HMGCLL1: variants seen among roughly 807,000 people sequenced by gnomAD.
HMGCLL1 encodes the protein 3-hydroxy-3-methylglutaryl-CoA lyase like 1.
HMGCLL1 carries 36 observed loss-of-function variants against 39.1 expected under a neutral mutation model. That is an observed-to-expected ratio of 0.92 (90% confidence interval 0.71 to 1.22). HMGCLL1 has a LOEUF of 1.22. Among genes scored for constraint, HMGCLL1 ranks in the 50% most tolerant of loss-of-function variants. The pLI, the probability that HMGCLL1 is intolerant of heterozygous loss-of-function variation, is 0.00. For missense variants in HMGCLL1, 451 were observed against 416.5 expected, an observed-to-expected ratio of 1.08 and a Z score of -0.72; for synonymous variants, 149 against 144.0, an observed-to-expected ratio of 1.03 and a Z score of -0.25.
At chr6:55,583,097 G>T (rs1457954726), upstream of HMGCLL1, among the ~76,000 whole-genome samples, 1 of 151,992 alleles carries the variant, frequency 6.6e-6, no homozygotes, top group East Asian at 1.9e-4. Context: ...TTAAAGTTTT[G>T]CTTTGTATGT....
chr6:55,585,288 G>A, the HMGCLL1 span, among the ~76,000 whole-genome samples: 2 of 152,158 alleles, frequency 1.3e-5, no homozygotes, highest in East Asian at 1.9e-4. Flanking sequence ...CACTAATTCA[G>A]AAGGATCCAA....
intron 7 of HMGCLL1, among the ~76,000 whole-genome samples, chr6:55,469,569 G>C (rs1180205767): frequency 6.6e-6 from 1 of 151,128 alleles, no homozygotes; most frequent in African/African-American, 2.4e-5. Context: ...GAAGGAGAGA[G>C]AGGAATTGCT....
At chr6:55,543,823 T>C (rs1490130392) in intron 1 of HMGCLL1, among the ~76,000 whole-genome samples, 1 of 151,640 alleles carries the variant, frequency 6.6e-6, no homozygotes, top group Non-Finnish European at 1.5e-5. Flanking sequence ...CAGTGAGCAG[T>C]GGTTGTGCCA....
At chr6:55,543,488 GATATATATCATATATA>G (rs1769750563) in intron 1 of HMGCLL1, among the ~76,000 whole-genome samples, 2 of 8,480 alleles carry the variant, frequency 2.4e-4, no homozygotes, top group African/African-American at 7.5e-4. Context: ...ATATATATAT[GATATATATCATATATA>G]TCATATATAA....
the HMGCLL1 span, among the ~76,000 whole-genome samples, chr6:55,601,151 A>G: frequency 6.6e-6 from 1 of 152,302 alleles, no homozygotes; most frequent in Non-Finnish European, 1.5e-5. Flanking sequence ...TCAGTGCCAT[A>G]TAACAATGAA....
chr6:55,487,393 C>A (rs1766087287), intron 7 of HMGCLL1, among the ~76,000 whole-genome samples: 1 of 152,066 alleles, frequency 6.6e-6, no homozygotes, highest in African/African-American at 2.4e-5. Context: ...GTTTGCTGCA[C>A]CTATCAACCC....
At chr6:55,509,716 A>C (rs1052800296) in intron 5 of HMGCLL1, among the ~76,000 whole-genome samples, 1 of 152,054 alleles carries the variant, frequency 6.6e-6, no homozygotes, top group Non-Finnish European at 1.5e-5. Flanking sequence ...AATTAAACAC[A>C]GGAAGAATTT....
At chr6:55,647,052 T>A in the HMGCLL1 span, among the ~76,000 whole-genome samples, 1 of 152,054 alleles carries the variant, frequency 6.6e-6, no homozygotes, top group Non-Finnish European at 1.5e-5. Flanking sequence ...ATTTGCTTTA[T>A]ATATCTGGGT....
intron 1 of HMGCLL1, among the ~76,000 whole-genome samples, chr6:55,572,552 G>A (rs1457899942): frequency 6.6e-6 from 1 of 151,932 alleles, no homozygotes; most frequent in Non-Finnish European, 1.5e-5. Context: ...ATTTGGAATA[G>A]TCATTTTTTC....
chr6:55,486,620 T>C (rs1285743517), intron 7 of HMGCLL1, among the ~76,000 whole-genome samples: 1 of 152,108 alleles, frequency 6.6e-6, no homozygotes, highest in Non-Finnish European at 1.5e-5. Flanking sequence ...TCACTCACTG[T>C]CCTTCTCCCA....
At chr6:55,509,838 A>G (rs1767349612) in intron 5 of HMGCLL1, among the ~76,000 whole-genome samples, 1 of 151,958 alleles carries the variant, frequency 6.6e-6, no homozygotes, top group Admixed American at 6.6e-5. Context: ...GCATAAGAAG[A>G]AAGTCAATAG....
intron 4 of HMGCLL1, among the ~76,000 whole-genome samples, chr6:55,515,699 T>G (rs1190812274): frequency 6.6e-6 from 1 of 152,136 alleles, no homozygotes; most frequent in Non-Finnish European, 1.5e-5. Context: ...TTAGGATTAC[T>G]AGATGACACC....
intron 7 of HMGCLL1, among the ~76,000 whole-genome samples, chr6:55,441,945 C>A (rs1763616217): frequency 6.6e-6 from 1 of 152,078 alleles, no homozygotes; most frequent in Non-Finnish European, 1.5e-5. Flanking sequence ...CCCTCCTCAG[C>A]CTCCCAAAGT....
the HMGCLL1 span, among the ~76,000 whole-genome samples, chr6:55,630,585 G>T: frequency 3.9e-5 from 6 of 152,120 alleles, no homozygotes; most frequent in African/African-American, 1.4e-4. Context: ...ATATAATTTG[G>T]CTCTGTCCCC....
intron 5 of HMGCLL1, among the ~76,000 whole-genome samples, chr6:55,510,783 A>C (rs1248263736): frequency 1.3e-5 from 2 of 150,598 alleles, no homozygotes; most frequent in Non-Finnish European, 3.0e-5. Flanking sequence ...CTAAAACTTA[A>C]AGTATAATAA....
intron 5 of HMGCLL1, among the ~76,000 whole-genome samples, chr6:55,511,563 C>T: frequency 6.6e-6 from 1 of 151,958 alleles, no homozygotes; most frequent in East Asian, 1.9e-4. Flanking sequence ...AAGCTGACAA[C>T]TGACGACATA....
chr6:55,652,925 GTGT>G, the HMGCLL1 span, among the ~76,000 whole-genome samples: 3 of 151,944 alleles, frequency 2.0e-5, no homozygotes, highest in South Asian at 6.2e-4. Flanking sequence ...GTATGCAAAT[GTGT>G]TGTTATTATT....
chr6:55,612,396 C>T, the HMGCLL1 span, among the ~76,000 whole-genome samples: 3 of 152,100 alleles, frequency 2.0e-5, no homozygotes, highest in Non-Finnish European at 4.4e-5. Flanking sequence ...AGATTCAATG[C>T]TATTTCTATC....
chr6:55,603,556 G>C, the HMGCLL1 span, among the ~76,000 whole-genome samples: 1 of 152,052 alleles, frequency 6.6e-6, no homozygotes, highest in East Asian at 1.9e-4. Flanking sequence ...AGTCATCATA[G>C]CATTGGATTT....
Sources: gnomAD v4.1 joint callset for allele counts (sites outside exome capture counted in the v4.1 genomes callset) on GRCh38, gnomAD v4.1.1 for gene constraint, MANE v1.5 for transcripts, NCBI Gene and HGNC (gene_info 2026-07-23, HGNC 2026-07-21) for gene names.